PRKG1: variants seen among roughly 807,000 people sequenced by gnomAD.
PRKG1 encodes the protein cGMP-dependent protein kinase 1.
A neutral mutation model predicts 88.1 loss-of-function variants in PRKG1; 35 were observed. The ratio of observed to expected loss-of-function variants is 0.40; its 90% CI spans 0.30 to 0.53. The LOEUF (loss-of-function observed/expected upper bound fraction) is 0.53. Ranked by LOEUF, PRKG1 falls within the 20% of genes least tolerant of loss-of-function variation. PRKG1 has a pLI of 0.59. For missense variants in PRKG1, 540 were observed against 839.8 expected, an observed-to-expected ratio of 0.64 and a Z score of 4.41; for synonymous variants, 303 against 292.5, an observed-to-expected ratio of 1.04 and a Z score of -0.37.
chr10:52,043,316 T>C (rs1193387738), intron 5 of PRKG1, among the ~76,000 whole-genome samples: 1 of 152,092 alleles, frequency 6.6e-6, no homozygotes, highest in African/African-American at 2.4e-5. Context: ...ACCTTGGCTA[T>C]TGTAAATAGT....
chr10:52,096,204 A>G (rs1847169241), intron 7 of PRKG1, among the ~76,000 whole-genome samples: 1 of 152,194 alleles, frequency 6.6e-6, no homozygotes, highest in Non-Finnish European at 1.5e-5. Context: ...AAGGTCTCAG[A>G]CTGTAGGCTT....
chr10:51,620,028 C>T (rs1188196598), intron 3 of PRKG1, among the ~76,000 whole-genome samples: 5 of 152,034 alleles, frequency 3.3e-5, no homozygotes. Context: ...TGTAAGTTGG[C>T]AGACAACCAG....
chr10:52,103,314 G>A (rs947318853), intron 7 of PRKG1, among the ~76,000 whole-genome samples: 3 of 151,980 alleles, frequency 2.0e-5, no homozygotes, highest in Non-Finnish European at 4.4e-5. Context: ...TTTCCATAAA[G>A]TTACACTGTG....
At chr10:51,635,155 G>C (rs567985201) in intron 3 of PRKG1, among the ~76,000 whole-genome samples, 12 of 151,984 alleles carry the variant, frequency 7.9e-5, no homozygotes, top group Non-Finnish European at 1.8e-4. Context: ...AGCCTGTCCT[G>C]CATTTGGGTT....
chr10:51,542,302 G>A (rs185469669), intron 3 of PRKG1, among the ~76,000 whole-genome samples: 20 of 152,246 alleles, frequency 1.3e-4, no homozygotes, highest in African/African-American at 4.3e-4. Context: ...TGCCTGAAAC[G>A]TTCCGTGTCT....
At chr10:51,189,239 G>A (rs544394853) in intron 2 of PRKG1, among the ~76,000 whole-genome samples, 23 of 151,908 alleles carry the variant, frequency 1.5e-4, no homozygotes, top group African/African-American at 5.5e-4. Context: ...GAATTTCCAG[G>A]TTTTAAAAAA....
chr10:51,290,103 T>G (rs1229494621), intron 2 of PRKG1, among the ~76,000 whole-genome samples: 3 of 152,124 alleles, frequency 2.0e-5, no homozygotes, highest in South Asian at 2.1e-4. Flanking sequence ...TTTGAGGAAA[T>G]GTAGGCACTT....
intron 2 of PRKG1, among the ~76,000 whole-genome samples, chr10:51,185,909 A>G (rs1252777219): frequency 6.6e-6 from 1 of 151,768 alleles, no homozygotes; most frequent in Non-Finnish European, 1.5e-5. Flanking sequence ...TCCTTAGGAT[A>G]AAAATTCATA....
At chr10:51,934,177 A>G (rs1326829834) in intron 5 of PRKG1, among the ~76,000 whole-genome samples, 1 of 152,066 alleles carries the variant, frequency 6.6e-6, no homozygotes, top group African/African-American at 2.4e-5. Flanking sequence ...ACAACAAATT[A>G]GATAAGAAAA....
intron 4 of PRKG1, among the ~76,000 whole-genome samples, chr10:51,850,585 CATT>C (rs1343293576): frequency 6.6e-6 from 1 of 151,874 alleles, no homozygotes; most frequent in South Asian, 2.1e-4. Context: ...TGAGGGAAAA[CATT>C]TGCATTACAT....
At chr10:52,052,684 C>G (rs186032205) in intron 5 of PRKG1, among the ~76,000 whole-genome samples, 7 of 152,148 alleles carry the variant, frequency 4.6e-5, no homozygotes, top group African/African-American at 1.7e-4. Context: ...AAGAGGAAAC[C>G]CCTTATAAAA....
At chr10:52,250,310 G>T (rs138207388) in intron 9 of PRKG1, among the ~76,000 whole-genome samples, 1 of 152,238 alleles carries the variant, frequency 6.6e-6, no homozygotes, top group African/African-American at 2.4e-5. Flanking sequence ...TGTTTTTACC[G>T]TCTGAGAAGC....
At chr10:51,154,029 G>A (rs992619263) in intron 2 of PRKG1, among the ~76,000 whole-genome samples, 3 of 151,946 alleles carry the variant, frequency 2.0e-5, no homozygotes, top group African/African-American at 7.2e-5. Flanking sequence ...AATCAGCTTG[G>A]AAGAAAGTGA....
At position 51,682,268 on chromosome 10, in the gene PRKG1, G is replaced by A. The variant is rs1840870381; in HGVS notation, c.593-122317G>A. Among the ~76,000 whole-genome samples, 5 of 152,242 alleles carry A rather than the reference G, an allele frequency of 3.3e-5. No homozygotes were observed. The South Asian group carries it at 8.3e-4, about 25-fold the overall frequency. On this transcript the variant is annotated intron_variant, in intron 3 of 17. Coordinates refer to ENST00000373980, the MANE Select transcript of PRKG1 (RefSeq NM_006258.4). ...TTCTTCTCGTACAAAATATAGCTTT[G>A]CTAAATAAAGAAATACGAGGAAAGT...
At chr10:52,006,528 T>C (rs1844740379) in intron 5 of PRKG1, among the ~76,000 whole-genome samples, 1 of 152,136 alleles carries the variant, frequency 6.6e-6, no homozygotes, top group South Asian at 2.1e-4. Context: ...GGAAAAAATT[T>C]CAGAGCTCAA....
At chr10:52,054,644 C>A in intron 6 of PRKG1, 83 bp downstream of exon 6, 1 of 1,164,196 alleles carries the variant, frequency 8.6e-7, no homozygotes, top group South Asian at 1.3e-5. Flanking sequence ...CATGCAGAGT[C>A]TTGTGCTATA....
At chr10:51,872,504 A>G (rs868737420) in intron 4 of PRKG1, among the ~76,000 whole-genome samples, 2 of 152,306 alleles carry the variant, frequency 1.3e-5, no homozygotes, top group African/African-American at 4.8e-5. Flanking sequence ...GTTAAATTCA[A>G]TAAGGCATTC....
At chr10:51,303,319 C>T (rs910862964) in intron 2 of PRKG1, among the ~76,000 whole-genome samples, 1 of 138,496 alleles carries the variant, frequency 7.2e-6, no homozygotes, top group South Asian at 2.4e-4. Flanking sequence ...GGCACTACCA[C>T]TTTATTTAAA....
intron 3 of PRKG1, among the ~76,000 whole-genome samples, chr10:51,676,699 GTTGTGTTGT>G (rs1343916183): frequency 6.6e-6 from 1 of 152,066 alleles, no homozygotes; most frequent in Admixed American, 6.6e-5. Context: ...GCTTCACATT[GTTGTGTTGT>G]TTTCCATGGT....
Sources: gnomAD v4.1 joint callset for allele counts (sites outside exome capture counted in the v4.1 genomes callset) on GRCh38, gnomAD v4.1.1 for gene constraint, MANE v1.5 for transcripts, NCBI Gene and HGNC (gene_info 2026-07-23, HGNC 2026-07-21) for gene names.